Variants in ZDBF2 observed in about 807,000 individuals in gnomAD.
ZDBF2 encodes DBF4-type zinc finger-containing protein 2.
A neutral mutation model predicts 9.4 loss-of-function variants in ZDBF2; 6 were observed. That is an observed-to-expected ratio of 0.64 (90% CI 0.35 to 1.27). The LOEUF is 1.27. Ranked by LOEUF, ZDBF2 falls within the 50% of genes most tolerant of loss-of-function variation. ZDBF2 has a pLI of 0.03. For synonymous variants in ZDBF2, 905 were observed against 946.3 expected (o/e 0.96, Z 0.80); for missense variants, 2,697 against 2,766.8 (o/e 0.97, Z 0.57).
In ZDBF2 at chr2:206,281,335, G is replaced by A. The variant is rs1002612990; in HGVS notation, c.-49-466G>A. 2.0e-5 allele frequency among the ~76,000 whole-genome samples: 3 copies of A among 152,300 alleles called. No homozygotes were observed. In the East Asian group the frequency reaches 5.8e-4, roughly 29 times the overall value. On this transcript the variant is annotated intron_variant, in intron 2 of 4. Transcript: ENST00000374423. The stretch of plus-strand genomic sequence containing the variant: ...ATTATTTAAAAACCTGCCTCTCTAT[G>A]AGCTGAGCAGAAAATGCCATGTGGT...
In ZDBF2 at chr2:206,309,643, T is replaced by A. The variant is rs749798351; in HGVS notation, c.5115T>A (p.Ser1705=). The change falls in exon 5 of 5, where the codon TCT becomes TCA. Residue 1705 remains serine (S), a synonymous_variant. Coordinates refer to ENST00000374423, the MANE Select transcript of ZDBF2 (RefSeq NM_020923.3). ...GCCTAAAAGGTAAGAGCTGTCAGTC[T>A]AGTGCTTCTGCAGTGGATTTTGGTG... ...NAGLKGKSCQ[S]SASAVDFGAS... The A allele has an allele frequency of 6.2e-7, 1 of 1,613,950 alleles. No individual in the cohort carries two copies. The highest frequency in any genetic ancestry group is 8.5e-7 in the Non-Finnish European group (1 of 1,179,880).
In ZDBF2 at chr2:206,313,885, G is replaced by C. The variant is rs944808870; in HGVS notation, c.*2292G>C. 2.6e-5 allele frequency: 4 copies of C among 152,070 alleles called. No homozygotes were observed. The highest frequency in any genetic ancestry group is 9.7e-5 in the African/African-American group (4 of 41,434). 9.4% of individuals were successfully genotyped at this position (152,070 alleles called of 1,614,324 possible). A position where few individuals can be genotyped will look rare whatever the true frequency, so the allele number is the denominator to read the frequency against. On this transcript the variant is annotated 3_prime_UTR_variant, in exon 5 of 5. Transcript: ENST00000374423. ...GTTTTTGAAATGTTTTGTTTACTAAGTTCTTGTAATCATTATTTTAGACAA... is the reference window on the plus strand; with the variant it reads ...GTTTTTGAAATGTTTTGTTTACTAACTTCTTGTAATCATTATTTTAGACAA...
chr2:206,297,405 G>A (rs527718881), intron 4 of ZDBF2, 32 bp downstream of exon 4: 32 of 1,573,826 alleles, frequency 2.0e-5, no homozygotes, highest in Non-Finnish European at 2.7e-5. Context: ...ATATTTATAC[G>A]TAGTTATATG....
At position 206,305,908 on chromosome 2, in the gene ZDBF2, G is replaced by C; in HGVS notation, c.1380G>C (p.Leu460Phe). The C allele has an allele frequency of 1.2e-6, 2 of 1,613,210 alleles. No homozygotes were observed. The highest frequency in any genetic ancestry group is 8.5e-7 in the Non-Finnish European group (1 of 1,179,606). Reference sequence around the variant, plus strand: ...CTGATTGTGATGACATTCTTCACTTGGTTACCAACCAATCCCAAATGATTG... The same window carrying C: ...CTGATTGTGATGACATTCTTCACTTCGTTACCAACCAATCCCAAATGATTG... ...ISSDCDDILH[L>F]VTNQSQMIVK... is the part of the protein sequence containing the mutation. Residue 460 changes from leucine to phenylalanine, a missense_variant, in exon 5 of 5, where the codon TTG becomes TTC. Physicochemically the swap from Leu to Phe is conservative, Grantham distance 22 (BLOSUM62 0). Transcript: ENST00000374423.
Position 206,311,629 on chromosome 2 carries a change from G to A in ZDBF2, c.*36G>A. On this transcript the variant is annotated 3_prime_UTR_variant, in exon 5 of 5. Coordinates refer to ENST00000374423, the MANE Select transcript of ZDBF2 (RefSeq NM_020923.3). Reference sequence around the variant, plus strand: ...TGTGTTCAGGCTAGTTGAGGATTCAGTACTTCAGTTGAAATATATTTGGTA... The same window carrying A: ...TGTGTTCAGGCTAGTTGAGGATTCAATACTTCAGTTGAAATATATTTGGTA... 7.0e-7 allele frequency: 1 copy of A among 1,421,722 alleles called. No homozygotes were observed. Among genetic ancestry groups the A allele is most frequent in the Non-Finnish European group, 9.2e-7 (1 of 1,083,502 alleles). 88.1% of individuals were successfully genotyped at this position (1,421,722 alleles called of 1,614,324 possible).
rs1305405936 is a variant in ZDBF2, at chr2:206,313,704, C to A, written c.*2111C>A. On this transcript the variant is annotated 3_prime_UTR_variant, in exon 5 of 5. Coordinates refer to ENST00000374423, the MANE Select transcript of ZDBF2 (RefSeq NM_020923.3). ...TGCAGAGAGAACAGTTCCTGTAATT[C>A]AAGTAATTAAAATTTCAAGTTGTAA... The A allele has an allele frequency of 6.6e-6, 1 of 152,110 alleles. No homozygotes were observed. Among genetic ancestry groups the A allele is most frequent in the African/African-American group, 2.4e-5 (1 of 41,428 alleles). 9.4% of individuals were successfully genotyped at this position (152,110 alleles called of 1,614,324 possible). A position where few individuals can be genotyped will look rare whatever the true frequency, so the allele number is the denominator to read the frequency against.
chr2:206,281,947 A>T (rs1287248485), intron 3 of ZDBF2, 38 bp downstream of exon 3: 1 of 1,549,194 alleles, frequency 6.5e-7, no homozygotes, highest in Non-Finnish European at 8.8e-7. Flanking sequence ...ATCTCAAAGG[A>T]CCTAGTTGTG....
chr2:206,304,850 T>C lies in ZDBF2; in HGVS notation c.322T>C (p.Ser108Pro). Residue 108 changes from serine (S) to proline (P), a missense_variant, in exon 5 of 5, where the codon TCC becomes CCC. Ser to Pro is a moderately conservative substitution (Grantham distance 74). This residue lies in a region of ZDBF2 where 910 missense variants were observed against 973.6 expected (regional missense o/e 0.93). Coordinates refer to ENST00000374423, the MANE Select transcript of ZDBF2 (RefSeq NM_020923.3). The part of the protein sequence containing the change: ...EDEDATEERP[S>P]EVSEPIEELH... Reference sequence around the variant, plus strand: ...TGAGGATGCTACCGAAGAGAGACCATCCGAGGTTTCAGAACCTATTGAAGA... The same window carrying C: ...TGAGGATGCTACCGAAGAGAGACCACCCGAGGTTTCAGAACCTATTGAAGA... 3.1e-6 allele frequency: 5 copies of C among 1,613,690 alleles called. No individual in the cohort carries two copies. Among genetic ancestry groups the C allele is most frequent in the Non-Finnish European group, 4.2e-6 (5 of 1,179,770 alleles).
At position 206,297,278 on chromosome 2, in the gene ZDBF2, C is replaced by T. The variant is rs201913313; in HGVS notation, c.93C>T (p.Thr31=). 209 of 1,544,952 alleles carry T rather than the reference C, an allele frequency of 1.4e-4. No individual in the cohort carries two copies. Among genetic ancestry groups the T allele is most frequent in the Non-Finnish European group, 1.7e-4 (191 of 1,117,104 alleles). ...HLFSAQHRSL[T]RQSRRQICTS... ...TCAGTGCTCAGCACAGGAGTTTGAC[C>T]AGACAGAGTAGACGTCAAATATGTA... The change falls in exon 4 of 5, where the codon ACC becomes ACT. Residue 31 remains threonine, a synonymous_variant. Transcript: ENST00000374423.
chr2:206,308,165 C>A lies in ZDBF2; in HGVS notation c.3637C>A (p.Arg1213=). The change falls in exon 5 of 5, where the codon CGG becomes AGG. Residue 1213 remains arginine, a synonymous_variant. Coordinates refer to ENST00000374423, the MANE Select transcript of ZDBF2 (RefSeq NM_020923.3). The part of the protein sequence containing the change: ...SDDPLQSVAD[R]LRETVKEISL... ...TGACCCTCTTCAGTCAGTGGCTGAC[C>A]GGCTGAGAGAAACCGTTAAAGAAAT... 1 of 1,613,682 alleles carries A rather than the reference C, an allele frequency of 6.2e-7. No homozygotes were observed.
chr2:206,313,496 C>T lies in ZDBF2; in HGVS notation c.*1903C>T, dbSNP rs1693280948. On this transcript the variant is annotated 3_prime_UTR_variant, in exon 5 of 5. Coordinates refer to ENST00000374423, the MANE Select transcript of ZDBF2 (RefSeq NM_020923.3). ...TTTGTCCTACTGACTAGGAAGTAAA[C>T]AAACAGCTGATATATAAGATATTTG... 1.3e-5 allele frequency: 2 copies of T among 152,224 alleles called. No homozygotes were observed. The highest frequency in any genetic ancestry group is 4.1e-4 in the South Asian group (2 of 4,820). 9.4% of individuals were successfully genotyped at this position (152,224 alleles called of 1,614,324 possible).
At chr2:206,283,813 A>G (rs1691457945) in intron 3 of ZDBF2, among the ~76,000 whole-genome samples, 1 of 151,998 alleles carries the variant, frequency 6.6e-6, no homozygotes, top group African/African-American at 2.4e-5. Flanking sequence ...ACTGGTGTGC[A>G]CCACCGTACC....
rs763792147 is a variant in ZDBF2, at chr2:206,306,372, A to G, written c.1844A>G (p.Lys615Arg). 2.5e-6 allele frequency: 4 copies of G among 1,613,814 alleles called. No homozygotes were observed. In the Admixed American group the frequency reaches 6.7e-5, roughly 27 times the overall value. ...GGTAGACAAGTCCACCTAAAACATA[A>G]GAAGCGTAAACCCAGTAGTGCTAAA... is the stretch of plus-strand genomic sequence containing the variant. ...LKGRQVHLKH[K>R]KRKPSSAKAH... is the part of the protein sequence containing the mutation. Residue 615 changes from lysine (K) to arginine (R), a missense_variant, in exon 5 of 5, where the codon AAG (lysine) becomes AGG (arginine). Transcript: ENST00000374423.
rs531833661 is a variant in ZDBF2 at position 206,306,518 on chromosome 2, C to T, written c.1990C>T (p.His664Tyr). ...ADLMDMNCESHGPEMGFQADA... is the reference protein window; with the variant it reads ...ADLMDMNCESYGPEMGFQADA... ...CCTTATGGATATGAACTGTGAATCCCATGGTCCTGAAATGGGTTTTCAGGC... is the reference window on the plus strand; with the variant it reads ...CCTTATGGATATGAACTGTGAATCCTATGGTCCTGAAATGGGTTTTCAGGC... Residue 664 changes from histidine to tyrosine, a missense_variant, in exon 5 of 5, where the codon CAT (histidine) becomes TAT (tyrosine). His to Tyr is a moderately conservative substitution (Grantham distance 83). This residue lies in a region of ZDBF2 where 910 missense variants were observed against 973.6 expected (regional missense o/e 0.93). Coordinates refer to ENST00000374423, the MANE Select transcript of ZDBF2 (RefSeq NM_020923.3). 1.2e-6 allele frequency: 2 copies of T among 1,613,746 alleles called. No homozygotes were observed. Among genetic ancestry groups the T allele is most frequent in the Non-Finnish European group, 1.7e-6 (2 of 1,179,770 alleles).
At chr2:206,296,733 A>G (rs1012585631) in intron 3 of ZDBF2, among the ~76,000 whole-genome samples, 11 of 152,280 alleles carry the variant, frequency 7.2e-5, no homozygotes, top group African/African-American at 2.6e-4. Flanking sequence ...CCAGCGCCAT[A>G]GACTGCTCGG....
rs1693171060 is a variant in ZDBF2, at chr2:206,311,272, T to C, written c.6744T>C (p.Tyr2248=). 6.2e-7 allele frequency: 1 copy of C among 1,609,890 alleles called. No homozygotes were observed. The highest frequency in any genetic ancestry group is 8.5e-7 in the Non-Finnish European group (1 of 1,177,584). Residue 2248 remains tyrosine, a synonymous_variant, in exon 5 of 5, where the codon TAT becomes TAC. Coordinates refer to ENST00000374423, the MANE Select transcript of ZDBF2 (RefSeq NM_020923.3). ...CCAGGAGCGCTTTTCTTGGAAGGTATCTGAAGAAGAAAAAATCTGTTGTCA... is the reference window on the plus strand; with the variant it reads ...CCAGGAGCGCTTTTCTTGGAAGGTACCTGAAGAAGAAAAAATCTGTTGTCA... ...YQSRSAFLGR[Y]LKKKKSVVSR... is the part of the protein sequence containing the mutation.
chr2:206,310,970 C>T lies in ZDBF2; in HGVS notation c.6442C>T (p.Leu2148=). ...RELPKKRNFQ[L]TFLNHDVVKI... The stretch of plus-strand genomic sequence containing the variant: ...GCTTCCAAAGAAAAGAAATTTCCAG[C>T]TAACATTTTTAAATCATGATGTTGT... Residue 2148 remains leucine, a synonymous_variant, in exon 5 of 5, where the codon CTA becomes TTA. Coordinates refer to ENST00000374423, the MANE Select transcript of ZDBF2 (RefSeq NM_020923.3). 1.2e-6 allele frequency: 2 copies of T among 1,613,632 alleles called. No homozygotes were observed. The highest frequency in any genetic ancestry group is 1.3e-5 in the African/African-American group (1 of 74,996).
chr2:206,298,911 C>T (rs138395705), intron 4 of ZDBF2, among the ~76,000 whole-genome samples: 21 of 151,126 alleles, frequency 1.4e-4, no homozygotes, highest in Non-Finnish European at 2.1e-4. Flanking sequence ...GACAGAGTCT[C>T]GGTCTGTTGG....
chr2:206,290,432 A>G (rs1691827961), intron 3 of ZDBF2, among the ~76,000 whole-genome samples: 2 of 152,246 alleles, frequency 1.3e-5, no homozygotes, highest in South Asian at 2.1e-4. Flanking sequence ...ATCTGTAGAT[A>G]CATTCATGGG....
Sources: gnomAD v4.1 joint callset for allele counts (sites outside exome capture counted in the v4.1 genomes callset) on GRCh38, gnomAD v4.1.1 for gene constraint, gnomAD v4.1.1 regional missense constraint, MANE v1.5 for transcripts, NCBI Gene and HGNC (gene_info 2026-07-23, HGNC 2026-07-21) for gene names.